The following RABGAP1L variants were observed in gnomAD, a reference collection of about 807,000 sequenced individuals.
RABGAP1L encodes rab GTPase-activating protein 1-like.
In RABGAP1L, 63 loss-of-function variants were observed where a neutral mutation model predicts 137.7. That is an observed-to-expected ratio of 0.46 (90% CI 0.37 to 0.56). RABGAP1L has a LOEUF of 0.56. RABGAP1L is among the 20% of genes least tolerant of loss of function. The pLI is 0.00. For missense variants in RABGAP1L, 1,095 were observed against 1,244.0 expected (o/e 0.88, Z 1.80); for synonymous variants, 431 against 433.7 (o/e 0.99, Z 0.08).
At chr1:174,734,309 G>T (rs1376805809) in intron 17 of RABGAP1L, among the ~76,000 whole-genome samples, 2 of 152,088 alleles carry the variant, frequency 1.3e-5, no homozygotes, top group African/African-American at 2.4e-5. Context: ...GCTAGCTGAC[G>T]ACCAGGTATG....
chr1:174,844,800 G>T (rs1279459430), intron 19 of RABGAP1L, among the ~76,000 whole-genome samples: 1 of 57,106 alleles, frequency 1.8e-5, no homozygotes, highest in Admixed American at 2.0e-4. Context: ...CATTGAATCT[G>T]TAAATTACCT....
chr1:174,543,973 C>A (rs1421431525), intron 13 of RABGAP1L, among the ~76,000 whole-genome samples: 1 of 152,214 alleles, frequency 6.6e-6, no homozygotes, highest in Non-Finnish European at 1.5e-5. Flanking sequence ...CGCTGTTAGT[C>A]TGATAGGCTT....
At chr1:174,380,662 AT>A (rs1429091468) in intron 12 of RABGAP1L, among the ~76,000 whole-genome samples, 17 of 150,254 alleles carry the variant, frequency 1.1e-4, no homozygotes, top group Non-Finnish European at 1.6e-4. Context: ...TATTGTGTCT[AT>A]TTGATTCTTC....
chr1:174,619,881 T>C (rs6657060), intron 13 of RABGAP1L, among the ~76,000 whole-genome samples: 34,469 of 152,036 alleles, frequency 0.23, 4,334 homozygotes, highest in East Asian at 0.54. Flanking sequence ...CAGTGTGCTG[T>C]ATTCAGGAAA....
rs80173440 is a variant in RABGAP1L, at chr1:174,862,916, A to G, written c.2340+50956A>G. Among the ~76,000 whole-genome samples the G allele has an allele frequency of 3.3e-5, 5 of 151,676 alleles. No homozygotes were observed. In the South Asian group the frequency reaches 8.3e-4, roughly 25 times the overall value. On this transcript the variant is annotated intron_variant, in intron 19 of 25. Transcript: ENST00000681986. ...ATTAATTCTTTTCTTTTTTTTTTAA[A>G]TGGAGTCTTGCTGTGTCGCCCAGGT...
At chr1:174,629,552 T>C (rs964472972) in intron 13 of RABGAP1L, among the ~76,000 whole-genome samples, 1 of 152,206 alleles carries the variant, frequency 6.6e-6, no homozygotes, top group African/African-American at 2.4e-5. Flanking sequence ...ATTTTTTTTT[T>C]GAGACGGAGT....
chr1:174,682,317 T>TATAC lies in RABGAP1L; in HGVS notation c.1825-1204_1825-1203insTACA, dbSNP rs1553233077. Among the ~76,000 whole-genome samples, 708 of 148,614 alleles carry TATAC rather than the reference T, an allele frequency of 4.8e-3. 7 individuals carry two copies. The highest frequency in any genetic ancestry group is 0.014 in the Middle Eastern group (4 of 290). ...CTCTCTATACATACATATATATATA[T>TATAC]ACACACACACACACACACACACATA... On this transcript the variant is annotated intron_variant, in intron 14 of 25. Coordinates refer to ENST00000681986, the MANE Select transcript of RABGAP1L (RefSeq NM_001366446.1).
chr1:174,271,580 C>G (rs532914934), intron 7 of RABGAP1L, among the ~76,000 whole-genome samples: 1 of 151,956 alleles, frequency 6.6e-6, no homozygotes, highest in Admixed American at 6.6e-5. Flanking sequence ...TCTCAAGTTA[C>G]GAGACCTATA....
chr1:174,504,970 T>G (rs894059576), intron 13 of RABGAP1L, among the ~76,000 whole-genome samples: 1 of 152,140 alleles, frequency 6.6e-6, no homozygotes, highest in African/African-American at 2.4e-5. Flanking sequence ...ACCATACATC[T>G]GATAAGGGGT....
At chr1:174,196,318 G>T (rs2148366833) in intron 1 of RABGAP1L, among the ~76,000 whole-genome samples, 1 of 150,902 alleles carries the variant, frequency 6.6e-6, no homozygotes, top group South Asian at 2.1e-4. Flanking sequence ...CTGCCTCCTG[G>T]GTTCACGCCA....
chr1:174,699,074 A>T (rs951207096), intron 15 of RABGAP1L, among the ~76,000 whole-genome samples: 3 of 151,472 alleles, frequency 2.0e-5, no homozygotes, highest in African/African-American at 7.3e-5. Flanking sequence ...GCTCACTGCA[A>T]CCTCCACCTC....
At chr1:174,494,806 A>T (rs558980301) in intron 13 of RABGAP1L, among the ~76,000 whole-genome samples, 1 of 152,226 alleles carries the variant, frequency 6.6e-6, no homozygotes, top group South Asian at 2.1e-4. Context: ...TGGTGCAGGG[A>T]ATACTAGTAC....
chr1:174,427,946 G>A (rs945428544), intron 13 of RABGAP1L, among the ~76,000 whole-genome samples: 1 of 152,128 alleles, frequency 6.6e-6, no homozygotes, highest in East Asian at 1.9e-4. Flanking sequence ...GACCTGTGTT[G>A]GTTAGTCAAT....
At chr1:174,767,754 A>G (rs1415147009) in intron 18 of RABGAP1L, among the ~76,000 whole-genome samples, 1 of 152,132 alleles carries the variant, frequency 6.6e-6, no homozygotes, top group African/African-American at 2.4e-5. Flanking sequence ...TTGTATTAGT[A>G]TGTTTTCATG....
chr1:174,881,593 G>A (rs1654225102), intron 19 of RABGAP1L, among the ~76,000 whole-genome samples: 1 of 145,836 alleles, frequency 6.9e-6, no homozygotes, highest in Non-Finnish European at 1.5e-5. Flanking sequence ...TTCGCCTCCT[G>A]GGTTCAAGCA....
intron 19 of RABGAP1L, among the ~76,000 whole-genome samples, chr1:174,888,479 T>C (rs1655557222): frequency 6.6e-6 from 1 of 152,178 alleles, no homozygotes; most frequent in Non-Finnish European, 1.5e-5. Flanking sequence ...CTCTTAATGG[T>C]ATAGAAAATT....
At chr1:174,319,604 G>C (rs932771499) in intron 11 of RABGAP1L, among the ~76,000 whole-genome samples, 6 of 152,092 alleles carry the variant, frequency 3.9e-5, no homozygotes, top group Middle Eastern at 3.2e-3. Context: ...GGTGAGAAGG[G>C]ACATTCTTGT....
At chr1:174,540,697 T>G (rs1327121318) in intron 13 of RABGAP1L, among the ~76,000 whole-genome samples, 1 of 151,916 alleles carries the variant, frequency 6.6e-6, no homozygotes, top group East Asian at 1.9e-4. Flanking sequence ...GTTACTGTAG[T>G]CTTGTAGTAT....
At chr1:174,275,257 C>T (rs1674888901) in intron 8 of RABGAP1L, 2 of 151,862 alleles carry the variant, frequency 1.3e-5, no homozygotes, top group Admixed American at 6.6e-5. Context: ...AAATTAGTCT[C>T]CTAATACTAA....
Sources: allele counts gnomAD v4.1 joint callset (sites outside exome capture counted in the v4.1 genomes callset), GRCh38; gene constraint gnomAD v4.1.1; transcripts MANE v1.5; gene names NCBI Gene and HGNC (gene_info 2026-07-23, HGNC 2026-07-21).